The following COL4A4 variants were observed in gnomAD, a reference collection of about 807,000 sequenced individuals.
COL4A4 encodes collagen alpha-4(IV) chain.
In COL4A4, 105 loss-of-function variants were observed where a neutral mutation model predicts 192.9. That is an observed-to-expected ratio of 0.54 (90% confidence interval 0.46 to 0.64). The LOEUF (loss-of-function observed/expected upper bound fraction) is 0.64, where lower values mean the gene tolerates loss of function less well. Ranked by LOEUF, COL4A4 falls within the 30% of genes least tolerant of loss-of-function variation. COL4A4 has a pLI of 0.00. For missense variants in COL4A4, 1,967 were observed against 2,169.3 expected (o/e 0.91, Z 1.85); for synonymous variants, 762 against 769.9 (o/e 0.99, Z 0.17).
chr2:227,065,079 T>C (rs1037771482), intron 25 of COL4A4, among the ~76,000 whole-genome samples: 3 of 152,080 alleles, frequency 2.0e-5, no homozygotes, highest in African/African-American at 7.2e-5. Flanking sequence ...ACTTGGGAAG[T>C]GCAAGGGGTC....
At chr2:227,098,247 G>T (rs537752108) in intron 19 of COL4A4, among the ~76,000 whole-genome samples, 1 of 152,174 alleles carries the variant, frequency 6.6e-6, no homozygotes, top group African/African-American at 2.4e-5. Flanking sequence ...ATGTCAACAG[G>T]GAGAGCCTTC....
chr2:226,988,349 G>C, the COL4A4 span: 1 of 1,550,054 alleles, frequency 6.5e-7, no homozygotes, highest in South Asian at 1.2e-5. Context: ...AGGTCATAAA[G>C]AGACAATGGC....
chr2:227,145,015 T>A (rs1321887169), intron 2 of COL4A4, among the ~76,000 whole-genome samples: 2 of 151,862 alleles, frequency 1.3e-5, no homozygotes, highest in Admixed American at 1.3e-4. Flanking sequence ...GGGAGGATGG[T>A]TTGGAGAAAA....
chr2:227,082,014 T>A (rs1391882725), intron 23 of COL4A4, 101 bp downstream of exon 23: 2 of 1,027,804 alleles, frequency 1.9e-6, no homozygotes, highest in Non-Finnish European at 3.1e-6. Context: ...CATCCTAAAT[T>A]GTATAGAATT....
chr2:227,008,158 C>A lies in COL4A4; in HGVS notation c.4669G>T (p.Glu1557Ter). 6.2e-7 allele frequency: 1 copy of A among 1,614,110 alleles called. No individual in the cohort carries two copies. The highest frequency in any genetic ancestry group is 8.5e-7 in the Non-Finnish European group (1 of 1,179,926). Residue 1557 changes from glutamate (E) to a stop codon, truncating the protein, a stop_gained, in exon 47 of 48, where the codon GAG (glutamate) becomes TAG (stop). Transcript: ENST00000396625. LOFTEE classifies it high-confidence loss of function. Reference protein sequence around the residue: ...APLPMMPLSEEAIRPYVSRCA... With the variant: ...APLPMMPLSE ...CGGCTGACATAGGGGCGGATCGCCT[C>A]TTCAGAGAGTGGCATCATGGGGAGG...
chr2:227,014,397 G>A (rs1964445957), intron 44 of COL4A4, among the ~76,000 whole-genome samples: 1 of 152,204 alleles, frequency 6.6e-6, no homozygotes, highest in East Asian at 1.9e-4. Flanking sequence ...TGCTCTAGAT[G>A]ATTTAACTTT....
At chr2:226,999,459 A>G (rs577740254), downstream of COL4A4, among the ~76,000 whole-genome samples, 13 of 152,290 alleles carry the variant, frequency 8.5e-5, no homozygotes, top group East Asian at 2.1e-3. Flanking sequence ...AGTGTCACCA[A>G]GGAGTCCCTG....
intron 28 of COL4A4, 39 bp downstream of exon 28, chr2:227,059,366 C>T (rs1219031888): frequency 1.3e-6 from 2 of 1,553,002 alleles, no homozygotes. Context: ...CAAAACTGAG[C>T]CAGCTCTATG....
intron 25 of COL4A4, among the ~76,000 whole-genome samples, chr2:227,070,661 T>C (rs375925221): frequency 6.4e-4 from 86 of 134,600 alleles, no homozygotes; most frequent in African/African-American, 2.2e-3. Flanking sequence ...TAGGTGGGAA[T>C]TGAACAATGA....
At chr2:227,133,362 G>A (rs1257094138) in intron 4 of COL4A4, among the ~76,000 whole-genome samples, 1 of 152,226 alleles carries the variant, frequency 6.6e-6, no homozygotes, top group East Asian at 1.9e-4. Context: ...ACATTCTACA[G>A]TGTAGTAGGC....
chr2:227,145,630 T>C (rs2063499957), intron 2 of COL4A4, among the ~76,000 whole-genome samples: 1 of 152,226 alleles, frequency 6.6e-6, no homozygotes, highest in Non-Finnish European at 1.5e-5. Flanking sequence ...GTGATTTATC[T>C]GCCATCCTTG....
chr2:227,071,197 G>A (rs1407447567), intron 25 of COL4A4, among the ~76,000 whole-genome samples: 1 of 151,962 alleles, frequency 6.6e-6, no homozygotes, highest in African/African-American at 2.4e-5. Context: ...AAGATAAAGG[G>A]GTAGGAAAAT....
intron 1 of COL4A4, among the ~76,000 whole-genome samples, chr2:227,155,798 A>T (rs2064292704): frequency 2.0e-5 from 3 of 152,194 alleles, no homozygotes; most frequent in Admixed American, 1.3e-4. Flanking sequence ...ACTGAATAAA[A>T]GTAGAGCTTT....
Position 227,022,138 on chromosome 2 carries a change from G to A in COL4A4, c.4126C>T (p.Pro1376Ser), listed in dbSNP as rs780131074. 3.7e-6 allele frequency: 6 copies of A among 1,614,166 alleles called. No individual in the cohort carries two copies. In the South Asian group the frequency reaches 4.4e-5, roughly 12 times the overall value. The change falls in exon 44 of 48, where the codon CCC (proline) becomes TCC (serine). Residue 1376 changes from proline (P) to serine (S), a missense_variant. Physicochemically the swap from Pro to Ser is moderately conservative, Grantham distance 74. Transcript: ENST00000396625. ...PGPPADVDDC[P>S]RIPGLPGAPG... ...GCCCCAGGAAGGCCTGGGATTCGGG[G>A]ACAGTCATCCACATCTGCAGGTGGC... is the stretch of plus-strand genomic sequence containing the variant.
chr2:226,975,016 G>C, the COL4A4 span, among the ~76,000 whole-genome samples: 11 of 152,158 alleles, frequency 7.2e-5, no homozygotes, highest in African/African-American at 2.4e-4. Context: ...TCCTTGGTAC[G>C]TGGAGAGAAC....
intron 37 of COL4A4, among the ~76,000 whole-genome samples, chr2:227,041,860 AAGAAAGAAAG>A (rs1971386464): frequency 1.1e-5 from 1 of 92,284 alleles, no homozygotes; most frequent in Non-Finnish European, 2.2e-5. Context: ...GAAAGAAAGA[AAGAAAGAAAG>A]AAAGAAAGAA....
chr2:226,999,253 T>G (rs997476518), downstream of COL4A4: 1 of 152,166 alleles, frequency 6.6e-6, no homozygotes, highest in Non-Finnish European at 1.5e-5. Flanking sequence ...ACATAAACAC[T>G]AGTGCCTGGT....
intron 2 of COL4A4, 161 bp downstream of exon 2, chr2:227,147,252 T>C (rs767598044): frequency 1.8e-5 from 14 of 758,726 alleles, no homozygotes; most frequent in Admixed American, 1.6e-4. Context: ...GGGTTGGTGT[T>C]CAATAATAAA....
Position 227,008,142 on chromosome 2 carries a change from T to A in COL4A4, c.4685A>T (p.Tyr1562Phe). The A allele has an allele frequency of 6.2e-7, 1 of 1,613,962 alleles. No individual in the cohort carries two copies. The change falls in exon 47 of 48, where the codon TAT becomes TTT. Residue 1562 changes from tyrosine to phenylalanine, a missense_variant. Tyr to Phe is a conservative substitution (Grantham distance 22, BLOSUM62 3). Coordinates refer to ENST00000396625, the MANE Select transcript of COL4A4 (RefSeq NM_000092.5). ...MPLSEEAIRP[Y>F]VSRCAVCEAP... ...CTCGCATACCGCACAGCGGCTGACA[T>A]AGGGGCGGATCGCCTCTTCAGAGAG...
Sources: gnomAD v4.1 joint callset for allele counts (sites outside exome capture counted in the v4.1 genomes callset) on GRCh38, gnomAD v4.1.1 for gene constraint, MANE v1.5 for transcripts, NCBI Gene and HGNC (gene_info 2026-07-23, HGNC 2026-07-21) for gene names.